Variants in MICAL2 observed in about 807,000 individuals in gnomAD.
MICAL2 encodes the protein microtubule associated monooxygenase, calponin and LIM domain containing 2, also known as [F-actin]-monooxygenase MICAL2.
MICAL2 carries 77 observed loss-of-function variants against 127.3 expected under a neutral mutation model. That is an observed-to-expected ratio of 0.60 (90% CI 0.50 to 0.73). The LOEUF is 0.73. Ranked by LOEUF, MICAL2 falls within the 30% of genes least tolerant of loss-of-function variation. The pLI, the probability that MICAL2 is intolerant of heterozygous loss-of-function variation, is 0.00. For synonymous variants in MICAL2, 570 were observed against 551.1 expected (o/e 1.03, Z -0.48); for missense variants, 1,351 against 1,434.4 (o/e 0.94, Z 0.94).
intron 32 of MICAL2, among the ~76,000 whole-genome samples, chr11:12,344,923 C>T (rs541333925): frequency 2.3e-4 from 34 of 147,676 alleles, no homozygotes; most frequent in African/African-American, 7.2e-4. Context: ...ATGGCTAACA[C>T]GGTGAAACCC....
chr11:12,325,986 G>C (rs935819719), intron 31 of MICAL2, among the ~76,000 whole-genome samples: 1 of 152,202 alleles, frequency 6.6e-6, no homozygotes, highest in Non-Finnish European at 1.5e-5. Context: ...ATTACAAATA[G>C]TTTTAAGTAG....
chr11:12,152,863 C>G (rs1049281527), intron 2 of MICAL2, among the ~76,000 whole-genome samples: 9 of 151,808 alleles, frequency 5.9e-5, no homozygotes, highest in Non-Finnish European at 5.9e-5. Context: ...AGAAAGTTAG[C>G]AAGATTATTA....
chr11:12,139,080 C>T (rs1396017305), intron 2 of MICAL2, among the ~76,000 whole-genome samples: 1 of 151,982 alleles, frequency 6.6e-6, no homozygotes, highest in African/African-American at 2.4e-5. Context: ...TAGAGTAAAC[C>T]CCTCATTGCC....
chr11:12,358,362 T>G, exon 35 of MICAL2: 1 of 1,614,142 alleles, frequency 6.2e-7, no homozygotes, highest in South Asian at 1.1e-5. Flanking sequence ...TGCAAGTGAT[T>G]GAGCAAAGGG....
intron 4 of MICAL2, among the ~76,000 whole-genome samples, chr11:12,206,870 C>T (rs748240048): frequency 1.3e-5 from 2 of 152,162 alleles, no homozygotes; most frequent in Non-Finnish European, 2.9e-5. Flanking sequence ...TTCTACCTGC[C>T]CCATCACTGA....
intron 32 of MICAL2, among the ~76,000 whole-genome samples, chr11:12,343,458 A>G (rs564956042): frequency 6.6e-6 from 1 of 150,482 alleles, no homozygotes; most frequent in South Asian, 2.1e-4. Context: ...TATTCCACTG[A>G]AAAAATAATT....
exon 33 of MICAL2, chr11:12,349,863 G>A (rs1231576072): frequency 6.2e-7 from 1 of 1,614,038 alleles, no homozygotes; most frequent in Non-Finnish European, 8.5e-7. Context: ...ATGAAGCACA[G>A]CTTTTGCAGG....
At chr11:12,329,899 G>C (rs1453878968) in intron 32 of MICAL2, among the ~76,000 whole-genome samples, 1 of 149,762 alleles carries the variant, frequency 6.7e-6, no homozygotes, top group Admixed American at 6.7e-5. Flanking sequence ...GAGAGAGCTA[G>C]TTTGAGTTAT....
chr11:12,259,833 A>T lies in MICAL2; in HGVS notation c.3270A>T (p.Arg1090Ser). The change falls in exon 26 of 28, where the codon AGA becomes AGT. Residue 1090 changes from arginine to serine, a missense_variant. By Grantham distance (110) the Arg-to-Ser change is moderately radical. Around this residue, in one of 2 missense-constraint regions of MICAL2, gnomAD observed 752 missense variants for 719.4 expected, o/e 1.05. Coordinates refer to ENST00000683283, the MANE Select transcript of MICAL2 (RefSeq NM_001282663.2). ...ATWQEQEAPRRDTPTESSCAV... is the reference protein window; with the variant it reads ...ATWQEQEAPRSDTPTESSCAV... ...GGCAAGAGCAGGAAGCCCCTCGGAG[A>T]GACACTCCCACCGAAAGTTCTTGCG... is the stretch of plus-strand genomic sequence containing the variant. 1.3e-6 allele frequency: 2 copies of T among 1,590,844 alleles called. No individual in the cohort carries two copies. Among genetic ancestry groups the T allele is most frequent in the Non-Finnish European group, 1.7e-6 (2 of 1,167,032 alleles).
intron 3 of MICAL2, among the ~76,000 whole-genome samples, chr11:12,194,627 A>G (rs1261611285): frequency 1.3e-5 from 2 of 152,138 alleles, no homozygotes; most frequent in African/African-American, 4.8e-5. Flanking sequence ...TCTCCTAAAG[A>G]AATGTGAGAT....
chr11:12,262,560 T>G, intron 27 of MICAL2, 23 bp downstream of exon 27: 1 of 1,596,014 alleles, frequency 6.3e-7, no homozygotes, highest in Non-Finnish European at 8.6e-7. Flanking sequence ...CTTGCCAATT[T>G]TCAAAGAGTG....
chr11:12,127,185 C>T (rs1459976643), intron 1 of MICAL2, among the ~76,000 whole-genome samples: 1 of 152,130 alleles, frequency 6.6e-6, no homozygotes, highest in Non-Finnish European at 1.5e-5. Flanking sequence ...GGAAGATAGG[C>T]AAGAAAGGGT....
intron 32 of MICAL2, among the ~76,000 whole-genome samples, chr11:12,337,837 G>C (rs917283575): frequency 6.6e-6 from 1 of 152,258 alleles, no homozygotes; most frequent in South Asian, 2.1e-4. Flanking sequence ...TATAATTTCT[G>C]TTCTTTTACA....
At chr11:12,257,066 C>A in intron 24 of MICAL2, 95 bp downstream of exon 24, 2 of 1,259,206 alleles carry the variant, frequency 1.6e-6, no homozygotes, top group South Asian at 1.5e-5. Flanking sequence ...TCTAGGACAC[C>A]CAAACATACC....
chr11:12,290,203 A>G (rs1441098328), downstream of MICAL2, among the ~76,000 whole-genome samples: 3 of 152,180 alleles, frequency 2.0e-5, no homozygotes, highest in African/African-American at 4.8e-5. Flanking sequence ...GCCCTGCTGG[A>G]GTTCCATCTT....
chr11:12,352,923 G>A (rs971635506), intron 33 of MICAL2, among the ~76,000 whole-genome samples: 13 of 152,210 alleles, frequency 8.5e-5, no homozygotes, highest in African/African-American at 2.9e-4. Flanking sequence ...AGGCAGGAAC[G>A]GGGCAACTGC....
intron 4 of MICAL2, among the ~76,000 whole-genome samples, chr11:12,206,795 T>C (rs966360039): frequency 6.6e-6 from 1 of 152,140 alleles, no homozygotes; most frequent in South Asian, 2.1e-4. Context: ...CTTCCTCGTG[T>C]CTCATGCCAG....
intron 23 of MICAL2, 137 bp from the exon 24 acceptor site, chr11:12,256,648 T>G: frequency 3.8e-6 from 3 of 782,048 alleles, no homozygotes; most frequent in Middle Eastern, 3.4e-4. Context: ...CCTCCCTCTT[T>G]GCTGCAGTGG....
chr11:12,291,314 G>T (rs935876887), downstream of MICAL2, among the ~76,000 whole-genome samples: 1 of 152,174 alleles, frequency 6.6e-6, no homozygotes. Flanking sequence ...ATGCTTGAGG[G>T]GAGGAAGGGG....
Sources: gnomAD v4.1 joint callset for allele counts (sites outside exome capture counted in the v4.1 genomes callset) on GRCh38, gnomAD v4.1.1 for gene constraint, gnomAD v4.1.1 regional missense constraint, MANE v1.5 for transcripts, NCBI Gene and HGNC (gene_info 2026-07-23, HGNC 2026-07-21) for gene names.